Variants in NACC2 observed in about 807,000 individuals in gnomAD.
NACC2 encodes NACC family member 2, also known as nucleus accumbens-associated protein 2.
A neutral mutation model predicts 25.1 loss-of-function variants in NACC2; 8 were observed. The ratio of observed to expected loss-of-function variants is 0.32; its 90% CI spans 0.19 to 0.57. The LOEUF (loss-of-function observed/expected upper bound fraction) is 0.57, where lower values mean the gene tolerates loss of function less well. Ranked by LOEUF, NACC2 falls within the 20% of genes least tolerant of loss-of-function variation. The pLI, the probability that NACC2 is intolerant of heterozygous loss-of-function variation, is 0.89. For missense variants in NACC2, 644 were observed against 650.2 expected (o/e 0.99, Z 0.10); for synonymous variants, 435 against 294.7 (o/e 1.48, Z -4.88).
At chr9:136,051,839 C>G (rs1222177848) in intron 1 of NACC2, among the ~76,000 whole-genome samples, 2 of 144,360 alleles carry the variant, frequency 1.4e-5, no homozygotes, top group Non-Finnish European at 3.0e-5. Context: ...GCAAACGGAG[C>G]GGGAGCCCTG....
chr9:136,075,885 T>C (rs1374935459), intron 1 of NACC2, among the ~76,000 whole-genome samples: 3 of 152,174 alleles, frequency 2.0e-5, no homozygotes, highest in Non-Finnish European at 2.9e-5. Flanking sequence ...GAACCCAGGC[T>C]TTCCTACAAA....
chr9:136,014,115 T>G, intron 3 of NACC2, 146 bp from the exon 4 acceptor site: 1 of 627,348 alleles, frequency 1.6e-6, no homozygotes, highest in Non-Finnish European at 2.7e-6. Flanking sequence ...GAGGAGCAAT[T>G]TGAGGTCCCA....
In NACC2 at chr9:136,091,249, G is replaced by A. The variant is rs533890533; in HGVS notation, c.-60+3940C>T. Among the ~76,000 whole-genome samples, 18 of 152,284 alleles carry A rather than the reference G, an allele frequency of 1.2e-4. No homozygotes were observed. In the South Asian group the frequency reaches 1.9e-3, roughly 16 times the overall value. On this transcript the variant is annotated intron_variant, in intron 1 of 5. Coordinates refer to ENST00000277554, the MANE Select transcript of NACC2 (RefSeq NM_144653.5). The stretch of plus-strand genomic sequence containing the variant: ...CAGCCGGCATGAAGGCAGAAAGGCC[G>A]GGCTGCCCACATTCAGCCTCCAGCT...
chr9:136,053,405 T>G (rs1317890115), intron 1 of NACC2, among the ~76,000 whole-genome samples: 1 of 152,074 alleles, frequency 6.6e-6, no homozygotes, highest in African/African-American at 2.4e-5. Flanking sequence ...TCAAGGAGAC[T>G]GGGATGGGGG....
At chr9:136,026,043 G>C (rs1450948557) in intron 2 of NACC2, among the ~76,000 whole-genome samples, 2 of 151,762 alleles carry the variant, frequency 1.3e-5, no homozygotes, top group Non-Finnish European at 2.9e-5. Context: ...GATTGATGCA[G>C]AATAAGAAAG....
intron 1 of NACC2, among the ~76,000 whole-genome samples, chr9:136,090,622 T>A (rs945086201): frequency 6.6e-6 from 1 of 152,194 alleles, no homozygotes; most frequent in Non-Finnish European, 1.5e-5. Context: ...ACAGCCCGGA[T>A]TCCAGCCTCC....
At chr9:136,087,614 G>A (rs1361813758) in intron 1 of NACC2, among the ~76,000 whole-genome samples, 1 of 152,218 alleles carries the variant, frequency 6.6e-6, no homozygotes, top group African/African-American at 2.4e-5. Flanking sequence ...AGACCTTCCT[G>A]GTGACCAGAA....
At chr9:136,094,618 G>A (rs1425828564) in intron 1 of NACC2, among the ~76,000 whole-genome samples, 1 of 152,130 alleles carries the variant, frequency 6.6e-6, no homozygotes, top group Admixed American at 6.5e-5. Context: ...TCCCCAGGCT[G>A]GGGCCCGAGT....
At chr9:136,029,098 T>A (rs543923365) in intron 2 of NACC2, among the ~76,000 whole-genome samples, 2 of 152,320 alleles carry the variant, frequency 1.3e-5, no homozygotes, top group East Asian at 3.9e-4. Flanking sequence ...AGGAATGGCC[T>A]GAAGCCCAGG....
At position 136,007,615 on chromosome 9, in the gene NACC2, AAG is replaced by A. The variant is rs1840044375; in HGVS notation, c.*3899_*3900del. ...CGGAGCTGGCTGGCTGACATGACAA[AAG>A]TATGCAGCAGCAACATTCTGAAACA... On this transcript the variant is annotated 3_prime_UTR_variant, in exon 6 of 6. Transcript: ENST00000277554. 1 of 152,252 alleles carries A rather than the reference AAG, an allele frequency of 6.6e-6. No individual in the cohort carries two copies. The allele number at this position is 152,252 out of a possible 1,614,324, so 9.4% of individuals were successfully genotyped here.
chr9:136,073,635 C>A (rs1830223102), intron 1 of NACC2, among the ~76,000 whole-genome samples: 1 of 109,180 alleles, frequency 9.2e-6, no homozygotes, highest in South Asian at 3.8e-4. Context: ...GATGTATGGA[C>A]AACCCAAGAA....
chr9:136,024,329 T>G (rs1418062412), intron 2 of NACC2, among the ~76,000 whole-genome samples: 12 of 124,234 alleles, frequency 9.7e-5, no homozygotes, highest in Middle Eastern at 5.6e-3. Flanking sequence ...GAGGACAGAG[T>G]GTGTGTGTGT....
At chr9:136,059,765 C>G (rs1840982215) in intron 1 of NACC2, among the ~76,000 whole-genome samples, 1 of 152,218 alleles carries the variant, frequency 6.6e-6, no homozygotes, top group African/African-American at 2.4e-5. Context: ...ACTGTTGGGC[C>G]TGTGTGTGTA....
chr9:136,014,392 C>T (rs974199145), intron 3 of NACC2, among the ~76,000 whole-genome samples: 3 of 152,154 alleles, frequency 2.0e-5, no homozygotes, highest in African/African-American at 7.2e-5. Context: ...GTAGCCTCGA[C>T]CTCCCGGGCT....
At chr9:136,057,461 A>G (rs1486522312) in intron 1 of NACC2, among the ~76,000 whole-genome samples, 2 of 152,198 alleles carry the variant, frequency 1.3e-5, no homozygotes, top group African/African-American at 4.8e-5. Flanking sequence ...CTGGGTCCAC[A>G]CACTGTGGGA....
chr9:136,082,587 G>A (rs1033132875), intron 1 of NACC2, among the ~76,000 whole-genome samples: 18 of 152,222 alleles, frequency 1.2e-4, no homozygotes, highest in Non-Finnish European at 5.9e-5. Context: ...AGGTAGAGCC[G>A]AGGCGTCTTA....
chr9:136,016,218 T>C (rs1840200894), intron 3 of NACC2, 47 bp downstream of exon 3: 1 of 1,596,590 alleles, frequency 6.3e-7, no homozygotes, highest in Non-Finnish European at 8.6e-7. Flanking sequence ...AATAAATAAA[T>C]AAATGAGGAC....
rs1039363172 is a variant in NACC2, at chr9:136,050,063, G to A, written c.459C>T (p.Ala153=). 0.02 allele frequency: 14,577 copies of A among 728,190 alleles called. 697 individuals are homozygous for A. Among genetic ancestry groups the A allele is most frequent in the East Asian group, 0.14 (5,836 of 40,290 alleles). 45.1% of individuals were successfully genotyped at this position (728,190 alleles called of 1,614,324 possible). ...ACACGACGTAGGGGGCCGCGGCGGC[G>A]GCGGCCGGCTGCAGCTGGTTGCAGG... ...QSPCNQLQPA[A]AAAAPYVVSP... The change falls in exon 2 of 6, where the codon GCC becomes GCT. Residue 153 remains alanine (A), a synonymous_variant. Coordinates refer to ENST00000277554, the MANE Select transcript of NACC2 (RefSeq NM_144653.5).
chr9:136,024,347 G>C (rs1219399005), intron 2 of NACC2, among the ~76,000 whole-genome samples: 1 of 148,266 alleles, frequency 6.7e-6, no homozygotes, highest in Admixed American at 6.7e-5. Context: ...TGTGAGGACA[G>C]AGTGTGTGTG....
Sources: gnomAD v4.1 joint callset for allele counts (sites outside exome capture counted in the v4.1 genomes callset) on GRCh38, gnomAD v4.1.1 for gene constraint, MANE v1.5 for transcripts, NCBI Gene and HGNC (gene_info 2026-07-23, HGNC 2026-07-21) for gene names.